BBOX1: variants seen among roughly 807,000 people sequenced by gnomAD.
BBOX1 encodes the protein gamma-butyrobetaine hydroxylase 1.
BBOX1 carries 35 observed loss-of-function variants against 41.6 expected under a neutral mutation model. The ratio of observed to expected loss-of-function variants is 0.84; its 90% CI spans 0.64 to 1.11. BBOX1 has a LOEUF of 1.11. Ranked by LOEUF, BBOX1 falls within the 50% of genes most tolerant of loss-of-function variation. BBOX1 has a pLI of 0.00. For synonymous variants in BBOX1, 163 were observed against 154.7 expected (o/e 1.05, Z -0.40); for missense variants, 458 against 460.6 (o/e 0.99, Z 0.05).
At chr11:27,102,346 G>A (rs1030069207) in intron 5 of BBOX1, among the ~76,000 whole-genome samples, 7 of 151,952 alleles carry the variant, frequency 4.6e-5, no homozygotes, top group Admixed American at 2.6e-4. Context: ...ACAGAAAGTC[G>A]CATAAAATAA....
chr11:27,124,288 G>C (rs1859567641), intron 7 of BBOX1, among the ~76,000 whole-genome samples: 1 of 152,094 alleles, frequency 6.6e-6, no homozygotes, highest in Non-Finnish European at 1.5e-5. Flanking sequence ...AGTAATCCTA[G>C]GTACTTTGCC....
rs1394668623 is a variant in BBOX1 at position 27,115,546 on chromosome 11, C to CA, written c.629dup (p.His210GlnfsTer19). 3 of 1,609,244 alleles carry CA rather than the reference C, an allele frequency of 1.9e-6. No homozygotes were observed. In the African/African-American group the frequency reaches 4.0e-5, roughly 22 times the overall value. ...TCACACTGATTATCCAGCCCTCCAT[C>CA]ATCCACCTGGGGTAAGTGAGCTTCA... On this transcript the variant is annotated frameshift_variant, in exon 6 of 9. Coordinates refer to ENST00000263182, the MANE Select transcript of BBOX1 (RefSeq NM_003986.3). LOFTEE classifies it high-confidence loss of function.
At position 27,055,466 on chromosome 11, in the gene BBOX1, C is replaced by A. The variant is rs1463087226; in HGVS notation, c.36C>A (p.Asp12Glu). 6.2e-7 allele frequency: 1 copy of A among 1,614,034 alleles called. No individual in the cohort carries two copies. Among genetic ancestry groups the A allele is most frequent in the Non-Finnish European group, 8.5e-7 (1 of 1,180,034 alleles). ...CCATCCAAAAGGCAGAAGCACTTGACGGGGCTCATTTGATGCAGATCCTCT... is the reference window on the plus strand; with the variant it reads ...CCATCCAAAAGGCAGAAGCACTTGAAGGGGCTCATTTGATGCAGATCCTCT... ...ACTIQKAEAL[D>E]GAHLMQILWY... is the part of the protein sequence containing the mutation. The change falls in exon 3 of 9, where the codon GAC becomes GAA. Residue 12 changes from aspartate (D) to glutamate (E), a missense_variant. By Grantham distance (45) the Asp-to-Glu change is conservative. Coordinates refer to ENST00000263182, the MANE Select transcript of BBOX1 (RefSeq NM_003986.3).
chr11:27,087,056 A>T (rs1858069381), intron 4 of BBOX1, among the ~76,000 whole-genome samples: 1 of 152,132 alleles, frequency 6.6e-6, no homozygotes, highest in Non-Finnish European at 1.5e-5. Flanking sequence ...GGGCAAAGAA[A>T]GTGGTTTCTT....
chr11:27,089,324 C>T lies in BBOX1; in HGVS notation c.335-3844C>T, dbSNP rs143811634. Among the ~76,000 whole-genome samples the T allele has an allele frequency of 1.3e-3, 196 of 151,970 alleles. 1 individual carries two copies. Among genetic ancestry groups the T allele is most frequent in the African/African-American group, 4.6e-3 (189 of 41,500 alleles). On this transcript the variant is annotated intron_variant, in intron 4 of 8. Transcript: ENST00000263182. ...GAATATTTCCATTATTGCAGAAAGCCCTATTGGACAGTACTATAGTCTGTA... is the reference window on the plus strand; with the variant it reads ...GAATATTTCCATTATTGCAGAAAGCTCTATTGGACAGTACTATAGTCTGTA...
At chr11:27,093,825 C>A (rs1236253904) in intron 5 of BBOX1, among the ~76,000 whole-genome samples, 2 of 151,896 alleles carry the variant, frequency 1.3e-5, no homozygotes, top group Non-Finnish European at 2.9e-5. Context: ...CTCCTGCTGT[C>A]TCTTCTTCTT....
chr11:27,049,855 T>C (rs1761588088), intron 2 of BBOX1, among the ~76,000 whole-genome samples: 1 of 152,182 alleles, frequency 6.6e-6, no homozygotes, highest in African/African-American at 2.4e-5. Flanking sequence ...GGGATTTAAT[T>C]CAATACCATC....
intron 4 of BBOX1, among the ~76,000 whole-genome samples, chr11:27,083,423 A>C (rs572000644): frequency 1.3e-5 from 2 of 152,040 alleles, no homozygotes; most frequent in Non-Finnish European, 1.5e-5. Context: ...CATCTGGTAC[A>C]CGCCCTCTTG....
At position 27,073,514 on chromosome 11, in the gene BBOX1, G is replaced by C. The variant is rs550684931; in HGVS notation, c.334+16199G>C. ...TGGAAGACAGTGTGGCAATTCCTCA[G>C]GGATCTAGAACTAGAAATACCATTT... On this transcript the variant is annotated intron_variant, in intron 4 of 8. Coordinates refer to ENST00000263182, the MANE Select transcript of BBOX1 (RefSeq NM_003986.3). Among the ~76,000 whole-genome samples the C allele has an allele frequency of 1.4e-3, 207 of 147,990 alleles. 27 individuals carry two copies. Among genetic ancestry groups the C allele is most frequent in the African/African-American group, 5.3e-3 (200 of 37,464 alleles).
chr11:27,082,829 ATTC>A (rs1857896579), intron 4 of BBOX1, among the ~76,000 whole-genome samples: 1 of 152,058 alleles, frequency 6.6e-6, no homozygotes, highest in African/African-American at 2.4e-5. Flanking sequence ...TTTACGTGTA[ATTC>A]TTGTTTTCTT....
chr11:27,095,170 G>A (rs1021677557), intron 5 of BBOX1, among the ~76,000 whole-genome samples: 8 of 151,906 alleles, frequency 5.3e-5, no homozygotes, highest in African/African-American at 1.9e-4. Flanking sequence ...TTAGCCACTG[G>A]TGTTAAACAG....
chr11:27,105,405 G>C lies in BBOX1; in HGVS notation c.534-10047G>C, dbSNP rs150066143. On this transcript the variant is annotated intron_variant, in intron 5 of 8. Transcript: ENST00000263182. ...CTGTAGGGAAATCCTTAAATGACCT[G>C]ATGGAGCTGAAAACCATGGCACGAG... is the stretch of plus-strand genomic sequence containing the variant. Among the ~76,000 whole-genome samples the C allele has an allele frequency of 6.0e-3, 907 of 152,288 alleles. 12 individuals are homozygous for C. The highest frequency in any genetic ancestry group is 0.021 in the African/African-American group (854 of 41,570).
intron 6 of BBOX1, among the ~76,000 whole-genome samples, chr11:27,116,716 A>G (rs533601085): frequency 6.6e-6 from 1 of 151,940 alleles, no homozygotes; most frequent in South Asian, 2.1e-4. Flanking sequence ...TATGGCAACT[A>G]GAAGAATTTT....
chr11:27,105,475 C>T (rs1385131424), intron 5 of BBOX1, among the ~76,000 whole-genome samples: 2 of 151,952 alleles, frequency 1.3e-5, no homozygotes, highest in Non-Finnish European at 2.9e-5. Context: ...ATTCGATCAA[C>T]TGGAAGAAAG....
At chr11:27,124,455 A>G (rs550388521) in intron 7 of BBOX1, among the ~76,000 whole-genome samples, 402 of 152,284 alleles carry the variant, frequency 2.6e-3, no homozygotes, top group Non-Finnish European at 4.8e-3. Flanking sequence ...GGTGATGTTC[A>G]TGTCTTGCTA....
At chr11:27,120,541 A>G (rs893372325) in intron 7 of BBOX1, among the ~76,000 whole-genome samples, 3 of 152,100 alleles carry the variant, frequency 2.0e-5, no homozygotes, top group Admixed American at 2.0e-4. Context: ...GCCAACAAAG[A>G]TCATATATTA....
chr11:27,070,706 ATTTTTT>A (rs58041903), intron 4 of BBOX1, among the ~76,000 whole-genome samples: 47 of 133,700 alleles, frequency 3.5e-4, no homozygotes, highest in African/African-American at 1.0e-3. Flanking sequence ...TTTGTGATTG[ATTTTTT>A]TTTTTTTTTT....
At chr11:27,042,074 T>A (rs2133936102) in intron 2 of BBOX1, among the ~76,000 whole-genome samples, 1 of 152,310 alleles carries the variant, frequency 6.6e-6, no homozygotes, top group Non-Finnish European at 1.5e-5. Flanking sequence ...TGGATTTGAT[T>A]AAAAACGTAA....
chr11:27,093,432 A>G (rs182210674), intron 5 of BBOX1, 66 bp downstream of exon 5: 1 of 1,496,888 alleles, frequency 6.7e-7, no homozygotes, highest in Non-Finnish European at 9.2e-7. Context: ...CCAACTGAGG[A>G]CGACCGCCTT....
Sources: gnomAD v4.1 joint callset for allele counts (sites outside exome capture counted in the v4.1 genomes callset) on GRCh38, gnomAD v4.1.1 for gene constraint, MANE v1.5 for transcripts, NCBI Gene and HGNC (gene_info 2026-07-23, HGNC 2026-07-21) for gene names.